The following ILDR1 variants were observed in gnomAD, a reference collection of about 807,000 sequenced individuals.
ILDR1 encodes the protein immunoglobulin like domain containing receptor 1.
Under a neutral mutation model 62.4 loss-of-function variants are expected in ILDR1, and 56 were observed. That is an observed-to-expected ratio of 0.90 (90% confidence interval 0.72 to 1.12). ILDR1 has a LOEUF of 1.12. Among genes scored for constraint, ILDR1 ranks in the 50% most tolerant of loss-of-function variants. ILDR1 has a pLI of 0.00. For missense variants in ILDR1, 736 were observed against 710.6 expected (o/e 1.04, Z -0.41); for synonymous variants, 284 against 277.8 (o/e 1.02, Z -0.22).
intron 7 of ILDR1, among the ~76,000 whole-genome samples, chr3:121,991,224 G>A (rs1362395653): frequency 6.6e-6 from 1 of 152,050 alleles, no homozygotes; most frequent in South Asian, 2.1e-4. Flanking sequence ...AGAAAGCCTG[G>A]AAAGGGCTTA....
the ILDR1 span, among the ~76,000 whole-genome samples, chr3:122,054,097 A>G: frequency 6.6e-6 from 1 of 152,214 alleles, no homozygotes; most frequent in South Asian, 2.1e-4. Context: ...TTGAAGATTA[A>G]TAATTGTGTT....
chr3:122,039,137 T>G, the ILDR1 span, among the ~76,000 whole-genome samples: 1 of 146,226 alleles, frequency 6.8e-6, no homozygotes, highest in Admixed American at 6.8e-5. Context: ...ATACACGTAC[T>G]GAAATTTAAG....
chr3:122,022,026 G>A lies in ILDR1; in HGVS notation c.52C>T (p.Pro18Ser). ...APWLLLCTWLPAGCLSLLVTV... is the reference protein window; with the variant it reads ...APWLLLCTWLSAGCLSLLVTV... ...CCATTTTTCCAAGGCTCACCTGCTGGGAGCCAGGTGCAGAGCAGCAGCCAA... is the reference window on the plus strand; with the variant it reads ...CCATTTTTCCAAGGCTCACCTGCTGAGAGCCAGGTGCAGAGCAGCAGCCAA... The change falls in exon 1 of 8, where the codon CCA (proline) becomes TCA (serine). Residue 18 changes from proline (P) to serine (S), a missense_variant. Coordinates refer to ENST00000344209, the MANE Select transcript of ILDR1 (RefSeq NM_001199799.2). 2 of 1,611,168 alleles carry A rather than the reference G, an allele frequency of 1.2e-6. No individual in the cohort carries two copies. Among genetic ancestry groups the A allele is most frequent in the Non-Finnish European group, 1.7e-6 (2 of 1,178,816 alleles).
At chr3:122,034,084 T>A in the ILDR1 span, among the ~76,000 whole-genome samples, 2 of 152,242 alleles carry the variant, frequency 1.3e-5, no homozygotes, top group Admixed American at 6.5e-5. Flanking sequence ...GGAATTTTTA[T>A]GTTATTAAGC....
chr3:122,008,593 CTTTTTT>C (rs10546593), intron 1 of ILDR1, among the ~76,000 whole-genome samples: 1 of 80,114 alleles, frequency 1.2e-5, no homozygotes. Context: ...CTTTTCTTTT[CTTTTTT>C]TTTTTTTTTT....
chr3:122,046,811 T>C, the ILDR1 span, among the ~76,000 whole-genome samples: 2 of 134,956 alleles, frequency 1.5e-5, no homozygotes, highest in Non-Finnish European at 3.2e-5. Context: ...ATTCTAGTTA[T>C]ACATTCTTCT....
intron 1 of ILDR1, among the ~76,000 whole-genome samples, chr3:122,009,324 AACACACACACACACAC>A (rs60284951): frequency 7.3e-4 from 100 of 137,902 alleles, no homozygotes; most frequent in African/African-American, 2.6e-3. Context: ...CTCAATTTAA[AACACACACACACACAC>A]ACACACACAC....
At chr3:122,021,413 A>G (rs2071853012) in intron 1 of ILDR1, among the ~76,000 whole-genome samples, 1 of 152,212 alleles carries the variant, frequency 6.6e-6, no homozygotes, top group South Asian at 2.1e-4. Context: ...TGTGGAGGGT[A>G]AGAGAATGAA....
At position 121,988,038 on chromosome 3, in the gene ILDR1, G is replaced by C. The variant is rs951787435; in HGVS notation, c.*329C>G. Reference sequence around the variant, plus strand: ...AGGGATCCTTCTGCCTCAGCCTCTTGAGTAGCTGGGACTACAAGTGCATGC... The same window carrying C: ...AGGGATCCTTCTGCCTCAGCCTCTTCAGTAGCTGGGACTACAAGTGCATGC... On this transcript the variant is annotated 3_prime_UTR_variant, in exon 8 of 8. Transcript: ENST00000344209. The C allele has an allele frequency of 7.8e-6, 3 of 382,586 alleles. No individual in the cohort carries two copies. The highest frequency in any genetic ancestry group is 2.1e-5 in the African/African-American group (1 of 47,628). The allele number at this position is 382,586 out of a possible 1,614,324, so 23.7% of individuals were successfully genotyped here.
chr3:121,998,451 T>C (rs1207231632), intron 5 of ILDR1, among the ~76,000 whole-genome samples: 1 of 152,208 alleles, frequency 6.6e-6, no homozygotes, highest in African/African-American at 2.4e-5. Flanking sequence ...GTGACTCACT[T>C]TGAAAGTGAC....
At chr3:122,047,894 G>A in the ILDR1 span, among the ~76,000 whole-genome samples, 4 of 152,378 alleles carry the variant, frequency 2.6e-5, no homozygotes, top group South Asian at 6.2e-4. Context: ...CACGCTGGGA[G>A]CTGTAGACCG....
At chr3:122,021,889 C>T in intron 1 of ILDR1, 131 bp downstream of exon 1, 1 of 817,216 alleles carries the variant, frequency 1.2e-6, no homozygotes. Flanking sequence ...CCTCCTGGCG[C>T]CCATGCCAAG....
rs1559866954 is a variant in ILDR1 at position 121,988,289 on chromosome 3, G to T, written c.*78C>A. On this transcript the variant is annotated 3_prime_UTR_variant, in exon 8 of 8. Transcript: ENST00000344209. ...TTAGACTCAGACTTGCAGTTCCCAA[G>T]TCAGCTGGAAACCTAGGTGATGCTG... 1.6e-6 allele frequency: 2 copies of T among 1,225,106 alleles called. No individual in the cohort carries two copies. Among genetic ancestry groups the T allele is most frequent in the East Asian group, 2.3e-5 (1 of 43,052 alleles). The allele number at this position is 1,225,106 out of a possible 1,614,324, so 75.9% of individuals were successfully genotyped here. A position where few individuals can be genotyped will look rare whatever the true frequency, so the allele number is the denominator to read the frequency against.
the ILDR1 span, among the ~76,000 whole-genome samples, chr3:122,028,335 C>CA: frequency 3.9e-3 from 367 of 95,252 alleles, 3 homozygotes; most frequent in South Asian, 0.013. Context: ...GACTCCATCT[C>CA]AAAAAAAAAA....
intron 1 of ILDR1, among the ~76,000 whole-genome samples, chr3:122,012,238 T>C (rs2071715866): frequency 6.6e-6 from 1 of 152,096 alleles, no homozygotes; most frequent in African/African-American, 2.4e-5. Context: ...GTGAACAGGA[T>C]CAAAAAAGAG....
chr3:122,055,405 C>A, the ILDR1 span: 1 of 1,364,994 alleles, frequency 7.3e-7, no homozygotes, highest in Non-Finnish European at 1.0e-6. Context: ...AGCTTTGCTT[C>A]TCTGCTGCTG....
chr3:122,025,013 C>A (rs1041180389), upstream of ILDR1, among the ~76,000 whole-genome samples: 1 of 152,180 alleles, frequency 6.6e-6, no homozygotes, highest in African/African-American at 2.4e-5. Context: ...ATGTGCCATT[C>A]GTCCAATAAA....
At chr3:122,030,109 C>A in the ILDR1 span, among the ~76,000 whole-genome samples, 3 of 151,910 alleles carry the variant, frequency 2.0e-5, no homozygotes, top group Non-Finnish European at 2.9e-5. Flanking sequence ...ACTCCATGGT[C>A]TGCCAAAAGC....
upstream of ILDR1, chr3:122,022,338 G>A (rs1362800881): frequency 2.5e-6 from 1 of 406,732 alleles, no homozygotes; most frequent in Non-Finnish European, 4.3e-6. Context: ...CCGGGGGACT[G>A]CGGCCACCTT....
Sources: gnomAD v4.1 joint callset for allele counts (sites outside exome capture counted in the v4.1 genomes callset) on GRCh38, gnomAD v4.1.1 for gene constraint, MANE v1.5 for transcripts, NCBI Gene and HGNC (gene_info 2026-07-23, HGNC 2026-07-21) for gene names.